The following CBLB variants were observed in gnomAD, a reference collection of about 807,000 sequenced individuals.
CBLB encodes Cbl proto-oncogene B.
In CBLB, 31 loss-of-function variants were observed where a neutral mutation model predicts 104.9. That is an observed-to-expected ratio of 0.30 (90% CI 0.22 to 0.40). CBLB has a LOEUF of 0.40. Among genes scored for constraint, CBLB ranks in the 10% least tolerant of loss-of-function variants. The pLI is 1.00. For missense variants in CBLB, 1,062 were observed against 1,214.6 expected, an observed-to-expected ratio of 0.87 and a Z score of 1.87; for synonymous variants, 440 against 422.6, an observed-to-expected ratio of 1.04 and a Z score of -0.51.
chr3:105,702,350 T>G lies in CBLB; in HGVS notation c.1703A>C (p.Asp568Ala). 6.2e-7 allele frequency: 1 copy of G among 1,613,814 alleles called. No homozygotes were observed. The highest frequency in any genetic ancestry group is 8.5e-7 in the Non-Finnish European group (1 of 1,179,928). Residue 568 changes from aspartate to alanine, a missense_variant, in exon 12 of 19, where the codon GAC becomes GCC. Asp to Ala is a moderately radical substitution (Grantham distance 126). Coordinates refer to ENST00000394030, the MANE Select transcript of CBLB (RefSeq NM_170662.5). ...PPERPPPIPP[D>A]NRLSRHIHHV... ...ATGGATGTGTCTACTCAGTCTATTG[T>G]CTGGTGGGATTGGTGGAGGTCTTTC...
At chr3:105,780,131 G>T (rs185405848) in intron 3 of CBLB, among the ~76,000 whole-genome samples, 1 of 151,550 alleles carries the variant, frequency 6.6e-6, no homozygotes, top group South Asian at 2.1e-4. Flanking sequence ...GGGGTTACAG[G>T]CATGAGACAC....
chr3:105,685,531 G>A (rs2066901601), intron 13 of CBLB, 65 bp from the exon 14 acceptor site: 4 of 1,327,834 alleles, frequency 3.0e-6, no homozygotes, highest in Non-Finnish European at 4.3e-6. Context: ...AGTCTGATGT[G>A]ACATATTCAA....
chr3:105,806,624 C>G (rs901159178), intron 3 of CBLB, among the ~76,000 whole-genome samples: 1 of 151,964 alleles, frequency 6.6e-6, no homozygotes, highest in Non-Finnish European at 1.5e-5. Context: ...ACTCAAAGAA[C>G]ACAGACATGC....
chr3:105,859,692 GTCC>G (rs1243576393), intron 2 of CBLB, among the ~76,000 whole-genome samples: 1 of 149,106 alleles, frequency 6.7e-6, no homozygotes, highest in African/African-American at 2.5e-5. Context: ...AGAAAGCCCT[GTCC>G]TCCTCCTATA....
chr3:105,781,567 T>C (rs994903044), intron 3 of CBLB, among the ~76,000 whole-genome samples: 2 of 151,894 alleles, frequency 1.3e-5, no homozygotes, highest in African/African-American at 2.4e-5. Flanking sequence ...ATAAAAGAAA[T>C]AGAAAATATA....
intron 10 of CBLB, among the ~76,000 whole-genome samples, chr3:105,713,330 C>T (rs150236524): frequency 6.6e-6 from 1 of 151,712 alleles, no homozygotes; most frequent in African/African-American, 2.4e-5. Flanking sequence ...GGCAGTTTCA[C>T]TCCAAGAGGG....
At chr3:105,681,687 G>C in intron 15 of CBLB, 37 bp downstream of exon 15, 1 of 1,597,436 alleles carries the variant, frequency 6.3e-7, no homozygotes, top group East Asian at 2.2e-5. Flanking sequence ...TGACCATTAA[G>C]ATGTACATCA....
intron 9 of CBLB, among the ~76,000 whole-genome samples, chr3:105,723,048 A>T (rs1473401819): frequency 1.3e-5 from 2 of 152,162 alleles, no homozygotes; most frequent in African/African-American, 2.4e-5. Context: ...AAAAACACAG[A>T]TCACAATGAA....
At chr3:105,814,806 T>C (rs955623522) in intron 3 of CBLB, among the ~76,000 whole-genome samples, 1 of 152,122 alleles carries the variant, frequency 6.6e-6, no homozygotes, top group Non-Finnish European at 1.5e-5. Flanking sequence ...TTCTCTTCAA[T>C]TATCCCTCAT....
At chr3:105,775,520 T>A (rs2079356376) in intron 4 of CBLB, among the ~76,000 whole-genome samples, 1 of 152,192 alleles carries the variant, frequency 6.6e-6, no homozygotes, top group Non-Finnish European at 1.5e-5. Context: ...AACAATAATC[T>A]ATGTAAGCAG....
chr3:105,691,967 C>T (rs1249752077), intron 13 of CBLB, among the ~76,000 whole-genome samples: 3 of 152,178 alleles, frequency 2.0e-5, no homozygotes, highest in Non-Finnish European at 4.4e-5. Flanking sequence ...TTTGAAACTA[C>T]TAAGTTAGCA....
chr3:105,677,407 T>A (rs2065789627), intron 17 of CBLB, among the ~76,000 whole-genome samples: 1 of 150,232 alleles, frequency 6.7e-6, no homozygotes, highest in South Asian at 2.1e-4. Flanking sequence ...AATAATCAAC[T>A]GAGGAAGCTG....
chr3:105,718,325 AG>A (rs1470204495), intron 10 of CBLB, among the ~76,000 whole-genome samples: 1 of 152,222 alleles, frequency 6.6e-6, no homozygotes, highest in Non-Finnish European at 1.5e-5. Flanking sequence ...AAATCATTCC[AG>A]AAAAATGCAA....
intron 3 of CBLB, among the ~76,000 whole-genome samples, chr3:105,847,871 A>G (rs1282390918): frequency 1.3e-5 from 2 of 152,126 alleles, no homozygotes; most frequent in Non-Finnish European, 2.9e-5. Context: ...CCTCCTATCA[A>G]TTATACATTT....
Position 105,685,429 on chromosome 3 carries a change from T to C in CBLB, c.2092A>G (p.Thr698Ala). The C allele has an allele frequency of 6.2e-7, 1 of 1,613,330 alleles. No homozygotes were observed. Among genetic ancestry groups the C allele is most frequent in the Non-Finnish European group, 8.5e-7 (1 of 1,179,358 alleles). ...GPLANSLSEK[T>A]RDPVEEDDDE... is the part of the protein sequence containing the mutation. ...TCATCTTCCTCTACTGGGTCTCTTGTTTTCTCTGAAAGAGAATTTGCTAAC... is the reference window on the plus strand; with the variant it reads ...TCATCTTCCTCTACTGGGTCTCTTGCTTTCTCTGAAAGAGAATTTGCTAAC... The change falls in exon 14 of 19, where the codon ACA becomes GCA. Residue 698 changes from threonine (T) to alanine (A), a missense_variant. Around this residue, in one of 2 missense-constraint regions of CBLB, gnomAD observed 605 missense variants for 582.6 expected, o/e 1.04. Transcript: ENST00000394030.
chr3:105,770,257 T>C (rs554418391), intron 4 of CBLB, among the ~76,000 whole-genome samples: 2 of 152,228 alleles, frequency 1.3e-5, no homozygotes, highest in South Asian at 4.1e-4. Context: ...GGCTATAGCC[T>C]ACTACGTGAG....
intron 3 of CBLB, among the ~76,000 whole-genome samples, chr3:105,798,457 T>C (rs1353467569): frequency 6.6e-6 from 1 of 152,216 alleles, no homozygotes; most frequent in African/African-American, 2.4e-5. Context: ...TCTAGCCCTA[T>C]CTAGAGATTA....
rs540461934 is a variant in CBLB, at chr3:105,690,356, A to G, written c.2054+3138T>C. On this transcript the variant is annotated intron_variant, in intron 13 of 18. Coordinates refer to ENST00000394030, the MANE Select transcript of CBLB (RefSeq NM_170662.5). ...AGACCTCTGTTCTAAGACCATCCAC[A>G]GCCAAGACTCTTGACTCACTGTTAT... Among the ~76,000 whole-genome samples the G allele has an allele frequency of 5.9e-5, 9 of 152,324 alleles. No individual in the cohort carries two copies. The South Asian group carries it at 1.4e-3, about 25-fold the overall frequency.
chr3:105,662,532 C>T (rs565096142), intron 18 of CBLB, among the ~76,000 whole-genome samples: 6 of 152,194 alleles, frequency 3.9e-5, no homozygotes, highest in African/African-American at 1.4e-4. Context: ...AAAATAAGTA[C>T]AAGAATGTGA....
Sources: gnomAD v4.1 joint callset for allele counts (sites outside exome capture counted in the v4.1 genomes callset) on GRCh38, gnomAD v4.1.1 for gene constraint, gnomAD v4.1.1 regional missense constraint, MANE v1.5 for transcripts, NCBI Gene and HGNC (gene_info 2026-07-23, HGNC 2026-07-21) for gene names.